Variants in PARD3B observed in about 807,000 individuals in gnomAD.
The protein encoded by PARD3B is partitioning defective 3 homolog B.
Under a neutral mutation model 130.2 loss-of-function variants are expected in PARD3B, and 103 were observed. The observed-to-expected ratio is 0.79, with a 90% confidence interval of 0.67 to 0.93. PARD3B has a LOEUF of 0.93. PARD3B is among the 40% of genes least tolerant of loss of function. The probability of loss-of-function intolerance (pLI) is 0.00; values close to 1 mark genes in which losing one functional copy is unlikely to be tolerated. For synonymous variants in PARD3B, 583 were observed against 553.2 expected (o/e 1.05, Z -0.76); for missense variants, 1,609 against 1,499.2 (o/e 1.07, Z -1.21).
chr2:205,426,418 A>G (rs1276179458), intron 19 of PARD3B, among the ~76,000 whole-genome samples: 1 of 152,220 alleles, frequency 6.6e-6, no homozygotes, highest in Non-Finnish European at 1.5e-5. Flanking sequence ...CTTCTATTAC[A>G]AAAGCAGAAA....
chr2:205,552,918 G>A (rs949562724), intron 21 of PARD3B, among the ~76,000 whole-genome samples: 5 of 152,084 alleles, frequency 3.3e-5, no homozygotes, highest in Non-Finnish European at 5.9e-5. Context: ...GTTAGCTAGC[G>A]ATAAGAGGGA....
At chr2:205,383,372 T>G (rs967785899) in intron 18 of PARD3B, among the ~76,000 whole-genome samples, 6 of 152,048 alleles carry the variant, frequency 3.9e-5, no homozygotes, top group Non-Finnish European at 7.4e-5. Context: ...TCATAAATTT[T>G]TTTTCAGAAT....
At chr2:204,952,197 A>G (rs1412708617) in intron 2 of PARD3B, among the ~76,000 whole-genome samples, 3 of 152,230 alleles carry the variant, frequency 2.0e-5, no homozygotes, top group Non-Finnish European at 4.4e-5. Context: ...AAATAATGAT[A>G]GACACTTGGA....
intron 2 of PARD3B, among the ~76,000 whole-genome samples, chr2:204,772,834 A>C (rs556761942): frequency 5.9e-5 from 9 of 152,250 alleles, no homozygotes; most frequent in Admixed American, 2.6e-4. Flanking sequence ...TATCTCTAAG[A>C]AATGTTGGAA....
intron 18 of PARD3B, among the ~76,000 whole-genome samples, chr2:205,365,200 CAAA>C (rs34761577): frequency 2.3e-5 from 3 of 127,802 alleles, no homozygotes; most frequent in Non-Finnish European, 4.9e-5. Flanking sequence ...AACTCCGTGT[CAAA>C]AAAAAAAAAA....
chr2:204,658,446 A>G, intron 1 of PARD3B, among the ~76,000 whole-genome samples: 1 of 152,192 alleles, frequency 6.6e-6, no homozygotes, highest in East Asian at 1.9e-4. Flanking sequence ...GTCTTAGTAA[A>G]TAAGTAGCCT....
At chr2:205,312,412 G>A (rs1222548883) in intron 18 of PARD3B, among the ~76,000 whole-genome samples, 1 of 152,188 alleles carries the variant, frequency 6.6e-6, no homozygotes, top group African/African-American at 2.4e-5. Flanking sequence ...CTTCAAGCTA[G>A]GTGGAGAAAT....
Position 204,669,288 on chromosome 2 carries a change from T to C in PARD3B, c.121-16893T>C, listed in dbSNP as rs2036169112. 6.6e-6 allele frequency among the ~76,000 whole-genome samples: 1 copy of C among 152,192 alleles called. No individual in the cohort carries two copies. Among genetic ancestry groups the C allele is most frequent in the South Asian group, 2.1e-4 (1 of 4,830 alleles). The stretch of plus-strand genomic sequence containing the variant: ...TAGAAGAGTTAGCCTATTTTTACTT[T>C]ATAGGATCAAGGGCAACCATGTTTA... On this transcript the variant is annotated intron_variant, in intron 1 of 22. Transcript: ENST00000406610. This position sits in a 1 kb window ranked among gnomAD's most constrained non-coding sequence, Gnocchi z 4.3.
chr2:204,815,275 A>T (rs1205984154), intron 2 of PARD3B, among the ~76,000 whole-genome samples: 1 of 151,934 alleles, frequency 6.6e-6, no homozygotes, highest in Non-Finnish European at 1.5e-5. Context: ...TCTTTCAATA[A>T]ATATTTGCAC....
intron 21 of PARD3B, among the ~76,000 whole-genome samples, chr2:205,536,638 T>C (rs2051872899): frequency 2.0e-5 from 3 of 152,196 alleles, no homozygotes; most frequent in Admixed American, 2.0e-4. Flanking sequence ...AGGAAGATAC[T>C]CGGAGAGACC....
chr2:205,344,194 T>TTGTGTTTGTGTG lies in PARD3B; in HGVS notation c.2630+42498_2630+42499insTTGTGTGTGTGT, dbSNP rs148707708. 9.3e-3 allele frequency among the ~76,000 whole-genome samples: 1,309 copies of TTGTGTTTGTGTG among 141,006 alleles called. 13 individuals carry two copies. The highest frequency in any genetic ancestry group is 0.017 in the Middle Eastern group (5 of 286). 92.5% of individuals were successfully genotyped at this position (141,006 alleles called of 152,430 possible). On this transcript the variant is annotated intron_variant, in intron 18 of 22. Transcript: ENST00000406610. ...GAAGGTGGGAAATGTGTCAGTTGGT[T>TTGTGTTTGTGTG]TGTGTGTGTGTGTGTGTGTGTGTGT...
intron 4 of PARD3B, among the ~76,000 whole-genome samples, chr2:205,100,777 T>C (rs1702720290): frequency 6.6e-6 from 1 of 152,084 alleles, no homozygotes; most frequent in South Asian, 2.1e-4. Context: ...CTAGCACAAC[T>C]AGATATCCAC....
chr2:204,912,222 A>G (rs1407773570), intron 2 of PARD3B, among the ~76,000 whole-genome samples: 1 of 152,234 alleles, frequency 6.6e-6, no homozygotes, highest in African/African-American at 2.4e-5. Context: ...CAAATTTCAT[A>G]GATTAACATG....
chr2:205,502,040 A>T (rs2050176412), intron 21 of PARD3B, among the ~76,000 whole-genome samples: 1 of 152,014 alleles, frequency 6.6e-6, no homozygotes, highest in Admixed American at 6.6e-5. Flanking sequence ...GTAAAACACG[A>T]GTGTTCTTTG....
At chr2:205,207,906 A>G (rs1447874404) in intron 15 of PARD3B, among the ~76,000 whole-genome samples, 1 of 121,476 alleles carries the variant, frequency 8.2e-6, no homozygotes, top group Admixed American at 8.3e-5. Flanking sequence ...CCAGGCAGAG[A>G]CACAACCAAA....
At chr2:204,643,752 A>C (rs1299681053) in intron 1 of PARD3B, among the ~76,000 whole-genome samples, 4 of 152,130 alleles carry the variant, frequency 2.6e-5, no homozygotes, top group Non-Finnish European at 5.9e-5. Context: ...CTTATAAAGG[A>C]TACTAGCAAT....
chr2:205,428,173 G>A (rs1339885329), intron 19 of PARD3B, among the ~76,000 whole-genome samples: 2 of 151,896 alleles, frequency 1.3e-5, no homozygotes, highest in East Asian at 3.9e-4. Context: ...GCTTGACCTC[G>A]GGAGTTTGAG....
chr2:204,754,481 G>C (rs1021332453), intron 2 of PARD3B, among the ~76,000 whole-genome samples: 1 of 152,082 alleles, frequency 6.6e-6, no homozygotes, highest in African/African-American at 2.4e-5. Context: ...CATGTAGAAA[G>C]TAAGTATAAT....
intron 18 of PARD3B, among the ~76,000 whole-genome samples, chr2:205,343,919 A>C (rs1166920259): frequency 1.3e-5 from 2 of 152,164 alleles, no homozygotes; most frequent in African/African-American, 4.8e-5. Context: ...TGTACATGGA[A>C]GAAAACGGAA....
Sources: allele counts gnomAD v4.1 joint callset (sites outside exome capture counted in the v4.1 genomes callset), GRCh38; gene constraint gnomAD v4.1.1; non-coding constraint Gnocchi (gnomAD v3.1); transcripts MANE v1.5; gene names NCBI Gene and HGNC (gene_info 2026-07-23, HGNC 2026-07-21).